Variants in LMBRD1 observed in about 807,000 individuals in gnomAD.
The protein encoded by LMBRD1 is LMBR1 domain containing 1.
LMBRD1 carries 64 observed loss-of-function variants against 74.8 expected under a neutral mutation model. That is an observed-to-expected ratio of 0.86 (90% CI 0.70 to 1.05). The LOEUF (loss-of-function observed/expected upper bound fraction) is 1.05, where lower values mean the gene tolerates loss of function less well. Among genes scored for constraint, LMBRD1 ranks in the 50% least tolerant of loss-of-function variants. The pLI is 0.00. For synonymous variants in LMBRD1, 204 were observed against 216.3 expected (o/e 0.94, Z 0.50); for missense variants, 652 against 645.9 (o/e 1.01, Z -0.10).
intron 14 of LMBRD1, 37 bp from the exon 15 acceptor site, chr6:69,676,578 T>G (rs747570842): frequency 6.8e-7 from 1 of 1,462,522 alleles, no homozygotes; most frequent in Non-Finnish European, 9.6e-7. Context: ...TGAGATAGGT[T>G]CTTTCATAAA....
chr6:69,713,640 T>C lies in LMBRD1; in HGVS notation c.915+5A>G. 6.2e-7 allele frequency: 1 copy of C among 1,613,148 alleles called. No homozygotes were observed. Among genetic ancestry groups the C allele is most frequent in the Non-Finnish European group, 8.5e-7 (1 of 1,179,378 alleles). Reference sequence around the variant, plus strand: ...GACAGCATAATTTTTAAAAACTTCATTTACCTTCAGGGGACGCAGAGCGCC... The same window carrying C: ...GACAGCATAATTTTTAAAAACTTCACTTACCTTCAGGGGACGCAGAGCGCC... On this transcript the variant is annotated splice_donor_5th_base_variant and intron_variant, in intron 9 of 15. Transcript: ENST00000649934.
chr6:69,759,042 T>C (rs190787969), intron 3 of LMBRD1, among the ~76,000 whole-genome samples: 11 of 152,258 alleles, frequency 7.2e-5, no homozygotes, highest in African/African-American at 2.6e-4. Flanking sequence ...AGGGAACCAT[T>C]ATTTCATCCT....
chr6:69,694,341 T>C (rs1765950314), intron 14 of LMBRD1, among the ~76,000 whole-genome samples: 1 of 152,170 alleles, frequency 6.6e-6, no homozygotes, highest in African/African-American at 2.4e-5. Flanking sequence ...AAAAACAAAT[T>C]ACAAACCAAT....
rs898785792 is a variant in LMBRD1, at chr6:69,675,144, G to T, written c.*1014C>A. On this transcript the variant is annotated 3_prime_UTR_variant, in exon 16 of 16. Transcript: ENST00000649934. Reference sequence around the variant, plus strand: ...AAAATGGCACAAAAATTAAGGGAGAGAATAATTAACTTAGATATAGTTGTT... The same window carrying T: ...AAAATGGCACAAAAATTAAGGGAGATAATAATTAACTTAGATATAGTTGTT... Among the ~76,000 whole-genome samples the T allele has an allele frequency of 2.6e-5, 4 of 151,954 alleles. No individual in the cohort carries two copies. The highest frequency in any genetic ancestry group is 9.7e-5 in the African/African-American group (4 of 41,350).
intron 3 of LMBRD1, among the ~76,000 whole-genome samples, chr6:69,758,932 C>T (rs1210236760): frequency 6.6e-6 from 1 of 152,012 alleles, no homozygotes; most frequent in Admixed American, 6.6e-5. Context: ...GTAGCAGCAA[C>T]CCTACTTCCC....
chr6:69,762,576 T>C (rs1359814215), intron 3 of LMBRD1, among the ~76,000 whole-genome samples: 1 of 152,184 alleles, frequency 6.6e-6, no homozygotes, highest in Non-Finnish European at 1.5e-5. Context: ...CTGGGTATTG[T>C]CTGTGTTTCT....
intron 3 of LMBRD1, among the ~76,000 whole-genome samples, chr6:69,772,237 A>G (rs949218005): frequency 4.6e-5 from 7 of 152,224 alleles, no homozygotes; most frequent in Non-Finnish European, 8.8e-5. Context: ...ATGGTATAAA[A>G]TCACCAAAGG....
chr6:69,688,743 A>G (rs964833818), intron 14 of LMBRD1, among the ~76,000 whole-genome samples: 55 of 128,618 alleles, frequency 4.3e-4, no homozygotes, highest in Non-Finnish European at 7.9e-4. Flanking sequence ...AAAGATATTT[A>G]TTTAAAAAAA....
chr6:69,780,237 A>C (rs1765800581), intron 3 of LMBRD1, among the ~76,000 whole-genome samples: 1 of 150,014 alleles, frequency 6.7e-6, no homozygotes, highest in Non-Finnish European at 1.5e-5. Context: ...CCTGACTGGT[A>C]TCCGTGGCAG....
At chr6:69,786,687 A>G (rs1765956740) in intron 2 of LMBRD1, among the ~76,000 whole-genome samples, 1 of 152,198 alleles carries the variant, frequency 6.6e-6, no homozygotes, top group South Asian at 2.1e-4. Flanking sequence ...CCATATGCTG[A>G]AAGAAAGGTC....
In LMBRD1 at chr6:69,697,026, A is replaced by G. The variant is rs575754919; in HGVS notation, c.1417+537T>C. 1.0e-3 allele frequency among the ~76,000 whole-genome samples: 147 copies of G among 145,764 alleles called. 2 individuals carry two copies. Among genetic ancestry groups the G allele is most frequent in the African/African-American group, 3.4e-3 (139 of 40,356 alleles). ...AAAATCACCTAAACAACTCACATAG[A>G]AAAAAAAAAAAGATACTCTAAAAAT... On this transcript the variant is annotated intron_variant, in intron 14 of 15. Transcript: ENST00000649934.
At chr6:69,779,673 C>T (rs1192547101) in intron 3 of LMBRD1, among the ~76,000 whole-genome samples, 1 of 152,104 alleles carries the variant, frequency 6.6e-6, no homozygotes, top group Non-Finnish European at 1.5e-5. Context: ...AGTAACTTGA[C>T]TGAACTGCTA....
chr6:69,791,451 T>C (rs953366165), intron 1 of LMBRD1, among the ~76,000 whole-genome samples: 2 of 152,138 alleles, frequency 1.3e-5, no homozygotes, highest in East Asian at 3.9e-4. Flanking sequence ...CTTCCCTACA[T>C]TCCCCAATCA....
intron 3 of LMBRD1, among the ~76,000 whole-genome samples, chr6:69,766,803 AATATGTGAAATTCT>A (rs1308360011): frequency 6.6e-6 from 1 of 151,658 alleles, no homozygotes; most frequent in African/African-American, 2.4e-5. Context: ...TTAAATACAT[AATATGTGAAATTCT>A]TCACATATTT....
At chr6:69,782,511 A>T (rs1212447124) in intron 2 of LMBRD1, among the ~76,000 whole-genome samples, 2 of 152,144 alleles carry the variant, frequency 1.3e-5, no homozygotes, top group Non-Finnish European at 2.9e-5. Flanking sequence ...AGGCAGGTGG[A>T]TTGCTTGAGG....
intron 3 of LMBRD1, among the ~76,000 whole-genome samples, chr6:69,770,596 AT>A (rs1765557611): frequency 6.6e-6 from 1 of 152,228 alleles, no homozygotes; most frequent in African/African-American, 2.4e-5. Flanking sequence ...AAAGTAAGAA[AT>A]TCAAGTGAGT....
chr6:69,776,350 A>C (rs1765701978), intron 3 of LMBRD1, among the ~76,000 whole-genome samples: 1 of 152,234 alleles, frequency 6.6e-6, no homozygotes, highest in South Asian at 2.1e-4. Flanking sequence ...TAAGAGTTTA[A>C]ACCTTTTTGA....
chr6:69,736,731 G>A (rs191889545), intron 7 of LMBRD1, among the ~76,000 whole-genome samples: 1 of 152,198 alleles, frequency 6.6e-6, no homozygotes, highest in East Asian at 1.9e-4. Context: ...CCATTTAATA[G>A]GGAAGACACT....
chr6:69,732,499 T>G (rs866766994), intron 7 of LMBRD1, among the ~76,000 whole-genome samples: 23 of 152,230 alleles, frequency 1.5e-4, no homozygotes, highest in African/African-American at 5.5e-4. Flanking sequence ...CCACCCAGTC[T>G]ATGGTACATC....
Sources: gnomAD v4.1 joint callset for allele counts (sites outside exome capture counted in the v4.1 genomes callset) on GRCh38, gnomAD v4.1.1 for gene constraint, MANE v1.5 for transcripts, NCBI Gene and HGNC (gene_info 2026-07-23, HGNC 2026-07-21) for gene names.